MSRB3: variants seen among roughly 807,000 people sequenced by gnomAD.
MSRB3 encodes the protein methionine sulfoxide reductase B3.
A neutral mutation model predicts 21.0 loss-of-function variants in MSRB3; 13 were observed. That is an observed-to-expected ratio of 0.62 (90% CI 0.40 to 0.98). The LOEUF (loss-of-function observed/expected upper bound fraction) is 0.98. MSRB3 is among the 50% of genes least tolerant of loss of function. The probability of loss-of-function intolerance (pLI) is 0.00; values close to 1 mark genes in which losing one functional copy is unlikely to be tolerated. For synonymous variants in MSRB3, 87 were observed against 88.6 expected (o/e 0.98, Z 0.10); for missense variants, 199 against 230.3 (o/e 0.86, Z 0.88).
intron 5 of MSRB3, among the ~76,000 whole-genome samples, chr12:65,437,902 A>G (rs1882192752): frequency 6.6e-6 from 1 of 151,752 alleles, no homozygotes; most frequent in Non-Finnish European, 1.5e-5. Flanking sequence ...CTTTTTCACT[A>G]GATGTTGTTT....
At chr12:65,360,703 TCAG>T in intron 4 of MSRB3, among the ~76,000 whole-genome samples, 1 of 152,130 alleles carries the variant, frequency 6.6e-6, no homozygotes, top group Non-Finnish European at 1.5e-5. Context: ...TTGCCTCACT[TCAG>T]TAACTTAATT....
chr12:65,437,569 C>T (rs956308010), intron 5 of MSRB3, among the ~76,000 whole-genome samples: 1 of 151,598 alleles, frequency 6.6e-6, no homozygotes, highest in Non-Finnish European at 1.5e-5. Context: ...GAGACAGGAT[C>T]AGTCTGAACA....
chr12:65,289,151 T>A (rs564411766), intron 1 of MSRB3, among the ~76,000 whole-genome samples: 1 of 152,340 alleles, frequency 6.6e-6, no homozygotes, highest in East Asian at 1.9e-4. Flanking sequence ...TTATCATAGA[T>A]GTATGTCTCT....
chr12:65,440,333 G>A (rs1448042269), intron 5 of MSRB3, among the ~76,000 whole-genome samples: 1 of 151,698 alleles, frequency 6.6e-6, no homozygotes, highest in Admixed American at 6.6e-5. Context: ...CAAAAGCAAA[G>A]TCAAATACAG....
intron 5 of MSRB3, among the ~76,000 whole-genome samples, chr12:65,403,043 C>T (rs995765955): frequency 6.6e-6 from 1 of 152,224 alleles, no homozygotes; most frequent in African/African-American, 2.4e-5. Context: ...GTCTGTCGAC[C>T]TCTGCTAAGA....
intron 4 of MSRB3, among the ~76,000 whole-genome samples, chr12:65,367,283 G>A (rs927166459): frequency 6.6e-6 from 1 of 152,176 alleles, no homozygotes; most frequent in Non-Finnish European, 1.5e-5. Context: ...AAACAATTCT[G>A]GAGCACTTAT....
At chr12:65,297,580 A>G (rs1184734675) in intron 1 of MSRB3, among the ~76,000 whole-genome samples, 2 of 152,204 alleles carry the variant, frequency 1.3e-5, no homozygotes, top group Non-Finnish European at 2.9e-5. Context: ...AGGGACAAGT[A>G]AGTTCATGAA....
chr12:65,411,467 C>T (rs1880712100), intron 5 of MSRB3, among the ~76,000 whole-genome samples: 1 of 152,142 alleles, frequency 6.6e-6, no homozygotes, highest in Non-Finnish European at 1.5e-5. Context: ...TTTAAAACCT[C>T]ACAAGTAGAA....
At chr12:65,363,703 G>C (rs993584868) in intron 4 of MSRB3, among the ~76,000 whole-genome samples, 3 of 151,942 alleles carry the variant, frequency 2.0e-5, no homozygotes, top group African/African-American at 2.4e-5. Flanking sequence ...TAACAGCTTG[G>C]GGCCGGGCGT....
At chr12:65,434,769 C>T (rs1469064130) in intron 5 of MSRB3, among the ~76,000 whole-genome samples, 3 of 151,822 alleles carry the variant, frequency 2.0e-5, no homozygotes, top group Non-Finnish European at 4.4e-5. Flanking sequence ...ATGTAAATTC[C>T]TTACATTTGT....
At chr12:65,377,493 T>C in intron 5 of MSRB3, among the ~76,000 whole-genome samples, 1 of 151,912 alleles carries the variant, frequency 6.6e-6, no homozygotes, top group African/African-American at 2.4e-5. Flanking sequence ...AGAGATGGGG[T>C]TTCACCACTT....
At chr12:65,326,202 G>A (rs564875938) in intron 2 of MSRB3, among the ~76,000 whole-genome samples, 12 of 152,184 alleles carry the variant, frequency 7.9e-5, no homozygotes, top group Non-Finnish European at 1.6e-4. Context: ...ATTTAACATG[G>A]TAAGATACAG....
intron 5 of MSRB3, among the ~76,000 whole-genome samples, chr12:65,386,104 C>T (rs1267069573): frequency 6.6e-6 from 1 of 151,850 alleles, no homozygotes; most frequent in Non-Finnish European, 1.5e-5. Context: ...TCATTGTTAA[C>T]TCCTGTTTAA....
chr12:65,376,499 T>C (rs1878632864), intron 5 of MSRB3, among the ~76,000 whole-genome samples: 1 of 152,356 alleles, frequency 6.6e-6, no homozygotes, highest in South Asian at 2.1e-4. Context: ...ACTTGGGACA[T>C]GCGTTACACT....
At chr12:65,403,738 G>A (rs760225606) in intron 5 of MSRB3, among the ~76,000 whole-genome samples, 25 of 152,292 alleles carry the variant, frequency 1.6e-4, no homozygotes, top group Middle Eastern at 6.8e-3. Flanking sequence ...GGTGGTGTAG[G>A]CACCTGAGGG....
chr12:65,358,922 C>T (rs890791518), intron 4 of MSRB3, among the ~76,000 whole-genome samples: 3 of 151,890 alleles, frequency 2.0e-5, no homozygotes, highest in African/African-American at 7.3e-5. Context: ...CTCATTCATT[C>T]CTTCCTGGAT....
intron 2 of MSRB3, among the ~76,000 whole-genome samples, chr12:65,318,623 G>A (rs996527900): frequency 6.6e-5 from 10 of 152,278 alleles, no homozygotes; most frequent in Admixed American, 5.9e-4. Context: ...TTGAAGTAAA[G>A]TGACTTTCTC....
In MSRB3 at chr12:65,453,926, G is replaced by A. The variant is rs80349215; in HGVS notation, c.390+101G>A. On this transcript the variant is annotated intron_variant, in intron 6 of 6. Transcript: ENST00000308259. The stretch of plus-strand genomic sequence containing the variant: ...CAAGCGACTGGTCACAAGAAGGACA[G>A]ACAAGCATGACGAAGTTTATATGAA... 6.1e-3 allele frequency: 5,641 copies of A among 927,724 alleles called. 234 individuals are homozygous for A. In the African/African-American group the frequency reaches 0.082, roughly 13 times the overall value. The allele number at this position is 927,724 out of a possible 1,614,324, so 57.5% of individuals were successfully genotyped here. A position where few individuals can be genotyped will look rare whatever the true frequency, so the allele number is the denominator to read the frequency against.
chr12:65,435,362 GCTACGTAATC>G (rs747266432), intron 5 of MSRB3, among the ~76,000 whole-genome samples: 11 of 151,794 alleles, frequency 7.2e-5, no homozygotes, highest in Non-Finnish European at 1.3e-4. Flanking sequence ...TCTCTGCCAG[GCTACGTAATC>G]CTAGTTGCTA....
Sources: gnomAD v4.1 joint callset for allele counts (sites outside exome capture counted in the v4.1 genomes callset) on GRCh38, gnomAD v4.1.1 for gene constraint, MANE v1.5 for transcripts, NCBI Gene and HGNC (gene_info 2026-07-23, HGNC 2026-07-21) for gene names.